The following ABCC4 variants were observed in gnomAD, a reference collection of about 807,000 sequenced individuals.
ABCC4 encodes ATP-binding cassette sub-family C member 4.
A neutral mutation model predicts 168.5 loss-of-function variants in ABCC4; 102 were observed. The ratio of observed to expected loss-of-function variants is 0.61; its 90% CI spans 0.52 to 0.71. The LOEUF is 0.71. Among genes scored for constraint, ABCC4 ranks in the 30% least tolerant of loss-of-function variants. The probability of loss-of-function intolerance (pLI) is 0.00; values close to 1 mark genes in which losing one functional copy is unlikely to be tolerated. For missense variants in ABCC4, 1,402 were observed against 1,605.8 expected (o/e 0.87, Z 2.17); for synonymous variants, 617 against 590.7 (o/e 1.04, Z -0.65).
chr13:95,174,159 T>C (rs2037579803), intron 13 of ABCC4, among the ~76,000 whole-genome samples: 2 of 152,212 alleles, frequency 1.3e-5, no homozygotes, highest in African/African-American at 2.4e-5. Flanking sequence ...AGGCAACAAA[T>C]TGGATTAGCA....
intron 20 of ABCC4, among the ~76,000 whole-genome samples, chr13:95,113,662 A>G (rs947119898): frequency 2.6e-5 from 4 of 151,944 alleles, no homozygotes; most frequent in Admixed American, 2.6e-4. Context: ...TTTAATAAAA[A>G]TTTTCACTTC....
intron 3 of ABCC4, among the ~76,000 whole-genome samples, chr13:95,240,158 G>A (rs758857691): frequency 1.3e-5 from 2 of 152,176 alleles, no homozygotes; most frequent in African/African-American, 4.8e-5. Context: ...AGGATGTAGA[G>A]GGTCACAAGA....
Position 95,043,796 on chromosome 13 carries a change from A to C in ABCC4, c.3630-9T>G. ...GTATTAACTCATCAGTTCTGCAATC[A>C]AAGAAGTTAAGTTTAATTTCGTAAA... On this transcript the variant is annotated splice_polypyrimidine_tract_variant and intron_variant, in intron 28 of 30. Transcript: ENST00000645237. 6.2e-7 allele frequency: 1 copy of C among 1,601,696 alleles called. No homozygotes were observed.
intron 1 of ABCC4, among the ~76,000 whole-genome samples, chr13:95,250,238 T>C (rs2040219079): frequency 6.6e-6 from 1 of 152,168 alleles, no homozygotes. Context: ...AAATGAGCCA[T>C]TCCTCCACCC....
chr13:95,163,500 G>T, intron 17 of ABCC4, 110 bp downstream of exon 17: 1 of 1,057,914 alleles, frequency 9.5e-7, no homozygotes, highest in Non-Finnish European at 1.4e-6. Flanking sequence ...GGTAAACGAA[G>T]TGAGGATTAG....
intron 1 of ABCC4, among the ~76,000 whole-genome samples, chr13:95,265,467 T>A (rs576686588): frequency 1.3e-5 from 2 of 151,828 alleles, no homozygotes; most frequent in South Asian, 4.2e-4. Context: ...AATAAAAGGT[T>A]AACAAGGTAA....
At chr13:95,050,013 G>C (rs574541014) in intron 27 of ABCC4, among the ~76,000 whole-genome samples, 1 of 152,252 alleles carries the variant, frequency 6.6e-6, no homozygotes, top group South Asian at 2.1e-4. Context: ...TCCTACTAAA[G>C]AGCAAGATGA....
At chr13:95,250,166 G>C (rs994366475) in intron 1 of ABCC4, among the ~76,000 whole-genome samples, 1 of 152,192 alleles carries the variant, frequency 6.6e-6, no homozygotes, top group East Asian at 1.9e-4. Flanking sequence ...ATCTAAGTCA[G>C]TTGGCTCCTT....
At chr13:95,121,583 T>A (rs2035573567) in intron 19 of ABCC4, among the ~76,000 whole-genome samples, 1 of 151,886 alleles carries the variant, frequency 6.6e-6, no homozygotes, top group African/African-American at 2.4e-5. Flanking sequence ...ATTTTTAAAT[T>A]TTTTTGTAGA....
At chr13:95,266,834 T>TC (rs1305515647) in intron 1 of ABCC4, among the ~76,000 whole-genome samples, 1 of 151,522 alleles carries the variant, frequency 6.6e-6, no homozygotes, top group African/African-American at 2.4e-5. Flanking sequence ...TCTCTTTTTT[T>TC]TTTTTTTGAG....
Position 95,285,233 on chromosome 13 carries a change from G to A in ABCC4, c.74+16008C>T, listed in dbSNP as rs542919017. Among the ~76,000 whole-genome samples, 34 of 152,210 alleles carry A rather than the reference G, an allele frequency of 2.2e-4. No individual in the cohort carries two copies. The South Asian group carries it at 7.1e-3, about 32-fold the overall frequency. On this transcript the variant is annotated intron_variant, in intron 1 of 30. Transcript: ENST00000645237. ...ACTGTACTCCAGCCTGGGCAACAGA[G>A]TGAGACTCCGTCTCTTAAATAAATA...
In ABCC4 at chr13:95,287,384, C is replaced by T. The variant is rs997321015; in HGVS notation, c.74+13857G>A. ...TGGGCAGATCACGAGGTCAGGAGTT[C>T]AAGACCAGCCTGGCCAACATGGTGA... is the stretch of plus-strand genomic sequence containing the variant. On this transcript the variant is annotated intron_variant, in intron 1 of 30. Coordinates refer to ENST00000645237, the MANE Select transcript of ABCC4 (RefSeq NM_005845.5). Among the ~76,000 whole-genome samples, 9 of 151,912 alleles carry T rather than the reference C, an allele frequency of 5.9e-5. No individual in the cohort carries two copies. The East Asian group carries it at 1.2e-3, about 20-fold the overall frequency.
chr13:95,192,573 C>G (rs1413800610), intron 9 of ABCC4, among the ~76,000 whole-genome samples: 4 of 152,182 alleles, frequency 2.6e-5, no homozygotes, highest in African/African-American at 9.7e-5. Context: ...CAGCATTCAC[C>G]TAGAGTGCTT....
Position 95,174,846 on chromosome 13 carries a change from G to A in ABCC4, c.1727+2861C>T, listed in dbSNP as rs148096626. ...AACGAGGCTCTGATCAGACTGCTGCGGCAATGCCAAGTGCCAGCTTATCCT... is the reference window on the plus strand; with the variant it reads ...AACGAGGCTCTGATCAGACTGCTGCAGCAATGCCAAGTGCCAGCTTATCCT... On this transcript the variant is annotated intron_variant, in intron 13 of 30. Coordinates refer to ENST00000645237, the MANE Select transcript of ABCC4 (RefSeq NM_005845.5). 4.2e-3 allele frequency among the ~76,000 whole-genome samples: 641 copies of A among 152,346 alleles called. 1 individual carries two copies. Among genetic ancestry groups the A allele is most frequent in the South Asian group, 9.5e-3 (46 of 4,832 alleles).
At chr13:95,226,319 C>G (rs2039465418) in intron 4 of ABCC4, among the ~76,000 whole-genome samples, 1 of 152,048 alleles carries the variant, frequency 6.6e-6, no homozygotes, top group African/African-American at 2.4e-5. Flanking sequence ...GGGTAACTTT[C>G]ACTATTTGAT....
At chr13:95,219,524 G>A (rs1433088074) in intron 4 of ABCC4, among the ~76,000 whole-genome samples, 1 of 152,188 alleles carries the variant, frequency 6.6e-6, no homozygotes, top group East Asian at 1.9e-4. Flanking sequence ...TTTTTGTTGT[G>A]TGTGTGTGAC....
At chr13:95,121,606 C>A (rs191782758) in intron 19 of ABCC4, among the ~76,000 whole-genome samples, 157 of 151,972 alleles carry the variant, frequency 1.0e-3, no homozygotes, top group African/African-American at 3.1e-3. Flanking sequence ...TGAGGTTTTG[C>A]CATGTTGCCC....
At chr13:95,041,202 T>C (rs1215499053) in intron 29 of ABCC4, among the ~76,000 whole-genome samples, 1 of 152,230 alleles carries the variant, frequency 6.6e-6, no homozygotes, top group African/African-American at 2.4e-5. Flanking sequence ...TTAGCTGTCA[T>C]TAAGACTACA....
At chr13:95,092,472 T>C (rs989033550) in intron 20 of ABCC4, among the ~76,000 whole-genome samples, 1 of 152,136 alleles carries the variant, frequency 6.6e-6, no homozygotes, top group Non-Finnish European at 1.5e-5. Flanking sequence ...TGCTCCTGAA[T>C]GAGCATTGGG....
Sources: gnomAD v4.1 joint callset for allele counts (sites outside exome capture counted in the v4.1 genomes callset) on GRCh38, gnomAD v4.1.1 for gene constraint, MANE v1.5 for transcripts, NCBI Gene and HGNC (gene_info 2026-07-23, HGNC 2026-07-21) for gene names.